ENTREP2: variants seen among roughly 807,000 people sequenced by gnomAD.
ENTREP2 encodes endosomal transmembrane epsin interactor 2, also known as protein ENTREP2.
chr15:29,352,417 A>G, the ENTREP2 span, among the ~76,000 whole-genome samples: 1 of 152,198 alleles, frequency 6.6e-6, no homozygotes, highest in African/African-American at 2.4e-5. Context: ...TTTTAACTTC[A>G]ATGGAAGTTT....
chr15:29,210,725 TTC>T, the ENTREP2 span, among the ~76,000 whole-genome samples: 1 of 152,150 alleles, frequency 6.6e-6, no homozygotes, highest in South Asian at 2.1e-4. Flanking sequence ...CCCTCTGAGC[TTC>T]TCTGTGTGGT....
the ENTREP2 span, among the ~76,000 whole-genome samples, chr15:29,443,476 C>T: frequency 6.6e-6 from 1 of 152,084 alleles, no homozygotes; most frequent in Admixed American, 6.5e-5. Context: ...TATACACTAG[C>T]CCACCAGGAA....
chr15:29,443,931 C>T, the ENTREP2 span, among the ~76,000 whole-genome samples: 1 of 152,014 alleles, frequency 6.6e-6, no homozygotes, highest in South Asian at 2.1e-4. Context: ...GGTGAAACCC[C>T]ATCTCTACTA....
the ENTREP2 span, among the ~76,000 whole-genome samples, chr15:29,499,444 C>T: frequency 1.1e-4 from 16 of 151,986 alleles, no homozygotes; most frequent in African/African-American, 3.6e-4. Flanking sequence ...AGTGCAGTGG[C>T]GTGATCATAA....
chr15:29,136,434 C>T, the ENTREP2 span: 23 of 1,546,402 alleles, frequency 1.5e-5, no homozygotes, highest in Admixed American at 2.0e-5. Flanking sequence ...TAGAGCAGGC[C>T]GGGGCTATTG....
the ENTREP2 span, among the ~76,000 whole-genome samples, chr15:29,615,886 C>T: frequency 6.6e-6 from 1 of 152,176 alleles, no homozygotes; most frequent in Non-Finnish European, 1.5e-5. Flanking sequence ...AGGGAAGCAG[C>T]GTCCAATACC....
chr15:29,498,670 C>A, the ENTREP2 span, among the ~76,000 whole-genome samples: 8 of 152,098 alleles, frequency 5.3e-5, no homozygotes, highest in African/African-American at 1.7e-4. Context: ...TCTGTTAGGT[C>A]TACTTGGTAT....
the ENTREP2 span, among the ~76,000 whole-genome samples, chr15:29,506,832 G>A: frequency 6.6e-6 from 1 of 152,136 alleles, no homozygotes; most frequent in Non-Finnish European, 1.5e-5. Flanking sequence ...TCAACACTAT[G>A]AAGAAACTGC....
At chr15:29,452,795 A>T in the ENTREP2 span, 1 of 151,368 alleles carries the variant, frequency 6.6e-6, no homozygotes, top group Non-Finnish European at 1.5e-5. Flanking sequence ...CATAACACTT[A>T]AAGCAAAACC....
At chr15:29,218,310 C>T in the ENTREP2 span, among the ~76,000 whole-genome samples, 1 of 152,062 alleles carries the variant, frequency 6.6e-6, no homozygotes, top group Non-Finnish European at 1.5e-5. Context: ...CCCTAGAACT[C>T]CTAAGAGTAT....
the ENTREP2 span, among the ~76,000 whole-genome samples, chr15:29,560,200 G>A: frequency 6.6e-6 from 1 of 152,182 alleles, no homozygotes; most frequent in Non-Finnish European, 1.5e-5. Context: ...CTGGTGTCTG[G>A]TTGGAGGAAC....
At chr15:29,387,172 C>T in the ENTREP2 span, among the ~76,000 whole-genome samples, 1 of 152,248 alleles carries the variant, frequency 6.6e-6, no homozygotes, top group African/African-American at 2.4e-5. Flanking sequence ...AGATACATCA[C>T]ATCAATACCT....
the ENTREP2 span, among the ~76,000 whole-genome samples, chr15:29,223,679 G>A: frequency 6.6e-6 from 1 of 152,118 alleles, no homozygotes; most frequent in Admixed American, 6.5e-5. Context: ...TGCGGGCCCA[G>A]TAGAACTCCT....
the ENTREP2 span, among the ~76,000 whole-genome samples, chr15:29,600,505 T>C: frequency 2.0e-5 from 3 of 152,162 alleles, no homozygotes; most frequent in Admixed American, 1.3e-4. Flanking sequence ...ATCATAGATG[T>C]GATGATGATG....
chr15:29,228,193 C>T, the ENTREP2 span, among the ~76,000 whole-genome samples: 3 of 152,114 alleles, frequency 2.0e-5, no homozygotes, highest in Admixed American at 1.3e-4. Context: ...GTGGCGGGCG[C>T]CTGTAATCCC....
chr15:29,510,970 C>T, the ENTREP2 span, among the ~76,000 whole-genome samples: 1 of 152,120 alleles, frequency 6.6e-6, no homozygotes, highest in South Asian at 2.1e-4. Context: ...TATTCTCACT[C>T]ATAAGTGGGA....
the ENTREP2 span, among the ~76,000 whole-genome samples, chr15:29,184,037 G>A: frequency 6.6e-6 from 1 of 152,072 alleles, no homozygotes; most frequent in African/African-American, 2.4e-5. Context: ...CTGGAGTGCA[G>A]TGGCATCATC....
the ENTREP2 span, among the ~76,000 whole-genome samples, chr15:29,216,441 C>T: frequency 2.0e-5 from 3 of 152,226 alleles, no homozygotes; most frequent in South Asian, 4.1e-4. Flanking sequence ...TGACAATGTA[C>T]CTAGGTGATG....
the ENTREP2 span, among the ~76,000 whole-genome samples, chr15:29,611,530 T>C: frequency 6.6e-6 from 1 of 152,114 alleles, no homozygotes; most frequent in South Asian, 2.1e-4. Flanking sequence ...CCTTAACTTA[T>C]GTCTCAAGCT....
Sources: allele counts gnomAD v4.1 joint callset (sites outside exome capture counted in the v4.1 genomes callset), GRCh38; gene constraint gnomAD v4.1.1; transcripts MANE v1.5; gene names NCBI Gene and HGNC (gene_info 2026-07-23, HGNC 2026-07-21).